The following NRXN3 variants were observed in gnomAD, a reference collection of about 807,000 sequenced individuals.
NRXN3 encodes the protein neurexin III.
A neutral mutation model predicts 137.6 loss-of-function variants in NRXN3; 32 were observed. That is an observed-to-expected ratio of 0.23 (90% confidence interval 0.18 to 0.31). The LOEUF (loss-of-function observed/expected upper bound fraction) is 0.31, where lower values mean the gene tolerates loss of function less well. Ranked by LOEUF, NRXN3 falls within the 10% of genes least tolerant of loss-of-function variation. The probability of loss-of-function intolerance (pLI) is 1.00; values close to 1 mark genes in which losing one functional copy is unlikely to be tolerated. For synonymous variants in NRXN3, 798 were observed against 784.5 expected (o/e 1.02, Z -0.29); for missense variants, 1,574 against 2,062.5 (o/e 0.76, Z 4.59).
chr14:78,581,450 G>C (rs1035128703), intron 4 of NRXN3, among the ~76,000 whole-genome samples: 1 of 152,094 alleles, frequency 6.6e-6, no homozygotes, highest in African/African-American at 2.4e-5. Flanking sequence ...ACCTTTTATA[G>C]AGGTTGCTAA....
intron 15 of NRXN3, among the ~76,000 whole-genome samples, chr14:79,142,458 GGAGATA>G: frequency 6.6e-6 from 1 of 151,986 alleles, no homozygotes; most frequent in East Asian, 1.9e-4. Context: ...GACAGAAGCT[GGAGATA>G]GAGTGACCCC....
intron 16 of NRXN3, among the ~76,000 whole-genome samples, chr14:79,663,278 A>G (rs2098543313): frequency 6.6e-6 from 1 of 151,796 alleles, no homozygotes; most frequent in South Asian, 2.1e-4. Context: ...ATTTATATAC[A>G]CACACACATA....
chr14:79,639,791 A>G (rs2098423630), intron 16 of NRXN3, among the ~76,000 whole-genome samples: 1 of 152,172 alleles, frequency 6.6e-6, no homozygotes, highest in South Asian at 2.1e-4. Flanking sequence ...ATTTGCAGCC[A>G]TGGAATCAGG....
chr14:79,006,684 T>A (rs957042313), intron 15 of NRXN3, among the ~76,000 whole-genome samples: 8 of 152,178 alleles, frequency 5.3e-5, no homozygotes, highest in African/African-American at 9.7e-5. Flanking sequence ...CATTAAAAAA[T>A]GTGACCATTA....
intron 3 of NRXN3, among the ~76,000 whole-genome samples, chr14:78,280,111 A>G (rs141715808): frequency 6.6e-6 from 1 of 152,202 alleles, no homozygotes; most frequent in Non-Finnish European, 1.5e-5. Context: ...CAGTCAACAA[A>G]TATTTATGTT....
intron 6 of NRXN3, among the ~76,000 whole-genome samples, chr14:78,666,485 TG>T (rs1375303626): frequency 6.6e-6 from 1 of 152,178 alleles, no homozygotes; most frequent in Non-Finnish European, 1.5e-5. Context: ...GTGAGAAGAA[TG>T]GGGCGTGGTT....
chr14:78,262,134 GTA>G (rs1273516019), intron 2 of NRXN3, among the ~76,000 whole-genome samples: 1 of 152,210 alleles, frequency 6.6e-6, no homozygotes, highest in Admixed American at 6.5e-5. Context: ...CAGCGGGGCT[GTA>G]TGTGTTCATT....
chr14:78,314,939 C>CTTTCTTTCTTTCTTT (rs2078470686), intron 4 of NRXN3, among the ~76,000 whole-genome samples: 1 of 117,880 alleles, frequency 8.5e-6, no homozygotes, highest in East Asian at 2.7e-4. Context: ...TTCTTTCTTT[C>CTTTCTTTCTTTCTTT]TTTCTTCCTT....
intron 4 of NRXN3, among the ~76,000 whole-genome samples, chr14:78,532,838 T>A (rs76623274): frequency 6.6e-6 from 1 of 152,028 alleles, no homozygotes; most frequent in African/African-American, 2.4e-5. Context: ...CCTAGGTCAA[T>A]GATTTATTTT....
intron 16 of NRXN3, among the ~76,000 whole-genome samples, chr14:79,592,720 T>G (rs145206732): frequency 3.7e-4 from 57 of 152,350 alleles, no homozygotes; most frequent in Middle Eastern, 3.4e-3. Flanking sequence ...TGACTGAGAC[T>G]TGGCCATTTA....
At chr14:78,419,857 A>G (rs906673006) in intron 4 of NRXN3, among the ~76,000 whole-genome samples, 11 of 152,026 alleles carry the variant, frequency 7.2e-5, no homozygotes, top group African/African-American at 2.7e-4. Context: ...ATCATGGCTA[A>G]CTGACTCTTT....
intron 17 of NRXN3, among the ~76,000 whole-genome samples, chr14:79,680,014 ACTCTAGAGTCTATCTTTG>A (rs1234149697): frequency 6.6e-6 from 1 of 151,972 alleles, no homozygotes; most frequent in Non-Finnish European, 1.5e-5. Flanking sequence ...TGGGGTCTTT[ACTCTAGAGTCTATCTTTG>A]CTCTAGAGTC....
At chr14:79,825,136 T>G (rs1056366839) in intron 20 of NRXN3, among the ~76,000 whole-genome samples, 2 of 152,024 alleles carry the variant, frequency 1.3e-5, no homozygotes, top group Admixed American at 6.6e-5. Flanking sequence ...TGTTTTGTTC[T>G]GCATCCTCTG....
intron 16 of NRXN3, among the ~76,000 whole-genome samples, chr14:79,513,254 T>C (rs1209022204): frequency 6.6e-6 from 1 of 152,236 alleles, no homozygotes; most frequent in African/African-American, 2.4e-5. Flanking sequence ...CGTGCAGTAA[T>C]GGCTGATGGA....
At chr14:78,867,650 T>G (rs1304022001) in intron 10 of NRXN3, among the ~76,000 whole-genome samples, 1 of 152,180 alleles carries the variant, frequency 6.6e-6, no homozygotes, top group Non-Finnish European at 1.5e-5. Context: ...GCGTTCTTCC[T>G]GTACCTGGAG....
chr14:78,545,304 T>C (rs1268001202), intron 4 of NRXN3, among the ~76,000 whole-genome samples: 1 of 152,222 alleles, frequency 6.6e-6, no homozygotes, highest in Non-Finnish European at 1.5e-5. Context: ...AAATTTTGTT[T>C]CTTAATTTAC....
intron 15 of NRXN3, among the ~76,000 whole-genome samples, chr14:79,449,364 T>C (rs761344758): frequency 1.3e-5 from 2 of 152,262 alleles, no homozygotes; most frequent in Non-Finnish European, 2.9e-5. Flanking sequence ...TTGTTGGGAC[T>C]GGACAGAGCT....
chr14:79,482,438 A>T (rs2153639896), intron 16 of NRXN3, among the ~76,000 whole-genome samples: 1 of 152,336 alleles, frequency 6.6e-6, no homozygotes, highest in East Asian at 1.9e-4. Flanking sequence ...AAAAGCACAG[A>T]GAGCTCTCTC....
intron 4 of NRXN3, among the ~76,000 whole-genome samples, chr14:78,408,081 C>T (rs547899778): frequency 4.6e-5 from 7 of 152,144 alleles, no homozygotes; most frequent in South Asian, 2.1e-4. Flanking sequence ...CAACTCACCA[C>T]GTGTCTGAAG....
Sources: gnomAD v4.1 joint callset for allele counts (sites outside exome capture counted in the v4.1 genomes callset) on GRCh38, gnomAD v4.1.1 for gene constraint, MANE v1.5 for transcripts, NCBI Gene and HGNC (gene_info 2026-07-23, HGNC 2026-07-21) for gene names.